The following RNASEH1 variants were observed in gnomAD, a reference collection of about 807,000 sequenced individuals.
RNASEH1 encodes ribonuclease H type II.
Under a neutral mutation model 34.6 loss-of-function variants are expected in RNASEH1, and 27 were observed. That is an observed-to-expected ratio of 0.78 (90% CI 0.58 to 1.08). The LOEUF (loss-of-function observed/expected upper bound fraction) is 1.08, where lower values mean the gene tolerates loss of function less well. Among genes scored for constraint, RNASEH1 ranks in the 50% least tolerant of loss-of-function variants. The probability of loss-of-function intolerance (pLI) is 0.00; values close to 1 mark genes in which losing one functional copy is unlikely to be tolerated. For synonymous variants in RNASEH1, 162 were observed against 138.4 expected (o/e 1.17, Z -1.20); for missense variants, 349 against 373.6 (o/e 0.93, Z 0.54).
Position 3,558,120 on chromosome 2 carries a change from G to A in RNASEH1, c.128+13C>T. 1 of 1,583,164 alleles carries A rather than the reference G, an allele frequency of 6.3e-7. No individual in the cohort carries two copies. Among genetic ancestry groups the A allele is most frequent in the East Asian group, 2.3e-5 (1 of 43,058 alleles). ...TGCCGGCAGGGAGGCGCCTCGGCGG[G>A]CGGGCCACTCACCAGGTCAGAAAGA... On this transcript the variant is annotated intron_variant, in intron 1 of 7. Coordinates refer to ENST00000315212, the MANE Select transcript of RNASEH1 (RefSeq NM_002936.6).
intron 2 of RNASEH1, among the ~76,000 whole-genome samples, chr2:3,553,448 T>C (rs1384041459): frequency 3.3e-5 from 5 of 151,586 alleles, no homozygotes; most frequent in Non-Finnish European, 5.9e-5. Flanking sequence ...TGGAGTACAG[T>C]GGCGCGATCG....
chr2:3,532,791 G>A, the RNASEH1 span, among the ~76,000 whole-genome samples: 1 of 152,206 alleles, frequency 6.6e-6, no homozygotes, highest in Admixed American at 6.5e-5. Flanking sequence ...GAGGCCCAAA[G>A]AGATGCACCC....
downstream of RNASEH1, among the ~76,000 whole-genome samples, chr2:3,539,964 T>C (rs1328303021): frequency 6.6e-6 from 1 of 152,176 alleles, no homozygotes; most frequent in Non-Finnish European, 1.5e-5. Flanking sequence ...ACCTCCGGCT[T>C]CGTGCACTTT....
chr2:3,552,356 C>A, intron 2 of RNASEH1, 48 bp from the exon 3 acceptor site: 1 of 1,554,584 alleles, frequency 6.4e-7, no homozygotes, highest in East Asian at 2.3e-5. Context: ...GAACATAACA[C>A]GAAATGCTAG....
downstream of RNASEH1, among the ~76,000 whole-genome samples, chr2:3,537,253 G>C (rs920970742): frequency 3.3e-5 from 5 of 152,142 alleles, no homozygotes; most frequent in Non-Finnish European, 7.3e-5. Context: ...GCAAAGACTG[G>C]GGTGGGATCT....
intron 7 of RNASEH1, among the ~76,000 whole-genome samples, chr2:3,547,541 G>T (rs1406394207): frequency 6.6e-6 from 1 of 150,946 alleles, no homozygotes. Context: ...AGGCTGGAGT[G>T]CAGTGGCGCG....
the RNASEH1 span, chr2:3,532,177 C>T: frequency 1.5e-6 from 1 of 684,294 alleles, no homozygotes; most frequent in Non-Finnish European, 2.7e-6. Flanking sequence ...CTTTGAGCAG[C>T]CAGACCTCCG....
chr2:3,555,781 T>C (rs1660433759), intron 2 of RNASEH1, among the ~76,000 whole-genome samples: 1 of 152,102 alleles, frequency 6.6e-6, no homozygotes, highest in Admixed American at 6.5e-5. Flanking sequence ...CTCATCTGAG[T>C]CTGCATAATG....
At chr2:3,549,728 C>T (rs1448093108) in intron 4 of RNASEH1, among the ~76,000 whole-genome samples, 8 of 151,918 alleles carry the variant, frequency 5.3e-5, no homozygotes, top group East Asian at 3.9e-4. Flanking sequence ...GGGCGGATCA[C>T]GAGGTCAGAA....
the RNASEH1 span, among the ~76,000 whole-genome samples, chr2:3,535,963 G>A: frequency 2.0e-5 from 3 of 152,344 alleles, no homozygotes; most frequent in East Asian, 3.9e-4. Context: ...GGGTCCAGGC[G>A]TGAGCACTGT....
downstream of RNASEH1, among the ~76,000 whole-genome samples, chr2:3,539,209 C>T (rs1572268112): frequency 1.3e-5 from 2 of 152,178 alleles, no homozygotes; most frequent in Non-Finnish European, 2.9e-5. Flanking sequence ...AGGTTAAAGA[C>T]CCTTGTTTAC....
In RNASEH1 at chr2:3,543,352, A is replaced by G. The variant is rs1342943520; in HGVS notation, c.*2433T>C. Among the ~76,000 whole-genome samples, 2 of 152,218 alleles carry G rather than the reference A, an allele frequency of 1.3e-5. No homozygotes were observed. The highest frequency in any genetic ancestry group is 2.9e-5 in the Non-Finnish European group (2 of 68,038). ...GCTCAATTAAACTGCTAACTTGTCT[A>G]AAGTTTTTCTTTTAAGACAGGTTTG... On this transcript the variant is annotated 3_prime_UTR_variant, in exon 8 of 8. Transcript: ENST00000315212.
chr2:3,552,681 A>G (rs1287836049), intron 2 of RNASEH1, among the ~76,000 whole-genome samples: 2 of 151,140 alleles, frequency 1.3e-5, no homozygotes, highest in Non-Finnish European at 2.9e-5. Flanking sequence ...CAGGAAAAAC[A>G]TGGCCCAAAA....
intron 7 of RNASEH1, among the ~76,000 whole-genome samples, chr2:3,546,879 T>C (rs202125123): frequency 3.3e-5 from 5 of 152,140 alleles, no homozygotes; most frequent in South Asian, 2.1e-4. Flanking sequence ...TCCCAGCACT[T>C]TGAGAGGCCA....
chr2:3,540,769 C>T (rs1442799989), downstream of RNASEH1, among the ~76,000 whole-genome samples: 2 of 152,126 alleles, frequency 1.3e-5, no homozygotes, highest in Non-Finnish European at 2.9e-5. Context: ...AACTTTTCAT[C>T]TATTTCCAAT....
In RNASEH1 at chr2:3,545,447, A is replaced by T. The variant is rs1409855089; in HGVS notation, c.*338T>A. 2 of 259,886 alleles carry T rather than the reference A, an allele frequency of 7.7e-6. No individual in the cohort carries two copies. The highest frequency in any genetic ancestry group is 1.5e-5 in the Non-Finnish European group (2 of 134,400). The allele number at this position is 259,886 out of a possible 1,614,324, so 16.1% of individuals were successfully genotyped here. A position where few individuals can be genotyped will look rare whatever the true frequency, so the allele number is the denominator to read the frequency against. ...GACTTCTGAGTTGCATCTTTTAACC[A>T]ATGGTTTTTTGATTTCTTATCAAAA... On this transcript the variant is annotated 3_prime_UTR_variant, in exon 8 of 8. Coordinates refer to ENST00000315212, the MANE Select transcript of RNASEH1 (RefSeq NM_002936.6).
In RNASEH1 at chr2:3,541,574, T is replaced by G. The variant is rs866050266; in HGVS notation, c.*4211A>C. ...TATTGATGTACACAAAATGGGTGAA[T>G]GCCAAAATAATTATGCTGAGTAGAA... On this transcript the variant is annotated 3_prime_UTR_variant, in exon 8 of 8. Coordinates refer to ENST00000315212, the MANE Select transcript of RNASEH1 (RefSeq NM_002936.6). Among the ~76,000 whole-genome samples, 10 of 152,308 alleles carry G rather than the reference T, an allele frequency of 6.6e-5. No individual in the cohort carries two copies. Among genetic ancestry groups the G allele is most frequent in the Middle Eastern group, 3.4e-3 (1 of 294 alleles).
intron 6 of RNASEH1, 75 bp from the exon 7 acceptor site, chr2:3,548,130 A>G: frequency 6.5e-7 from 1 of 1,535,214 alleles, no homozygotes; most frequent in South Asian, 1.1e-5. Context: ...CTTACCTCTT[A>G]TAATTGATCC....
chr2:3,552,420 A>C (rs1572322405), intron 2 of RNASEH1, 112 bp from the exon 3 acceptor site: 1 of 1,030,754 alleles, frequency 9.7e-7, no homozygotes, highest in Admixed American at 2.6e-5. Flanking sequence ...ACTTAAAAAC[A>C]CCCTCTCTAT....
Sources: gnomAD v4.1 joint callset for allele counts (sites outside exome capture counted in the v4.1 genomes callset) on GRCh38, gnomAD v4.1.1 for gene constraint, MANE v1.5 for transcripts, NCBI Gene and HGNC (gene_info 2026-07-23, HGNC 2026-07-21) for gene names.